The following KCNK2 variants were observed in gnomAD, a reference collection of about 807,000 sequenced individuals.
The protein encoded by KCNK2 is potassium channel subfamily K member 2.
A neutral mutation model predicts 40.5 loss-of-function variants in KCNK2; 21 were observed. The observed-to-expected ratio is 0.52, with a 90% confidence interval of 0.37 to 0.75. The LOEUF (loss-of-function observed/expected upper bound fraction) is 0.75, where lower values mean the gene tolerates loss of function less well. Among genes scored for constraint, KCNK2 ranks in the 30% least tolerant of loss-of-function variants. The pLI, the probability that KCNK2 is intolerant of heterozygous loss-of-function variation, is 0.00. For synonymous variants in KCNK2, 191 were observed against 202.2 expected (o/e 0.94, Z 0.47); for missense variants, 399 against 531.6 (o/e 0.75, Z 2.45).
intron 1 of KCNK2, among the ~76,000 whole-genome samples, chr1:215,085,821 G>A (rs1483463591): frequency 6.6e-6 from 1 of 152,164 alleles, no homozygotes; most frequent in Non-Finnish European, 1.5e-5. Context: ...AATGATGAAT[G>A]ATTTATTTTG....
chr1:215,216,024 C>T (rs556249400), intron 6 of KCNK2, among the ~76,000 whole-genome samples: 8 of 152,302 alleles, frequency 5.3e-5, no homozygotes, highest in East Asian at 1.9e-4. Context: ...GCATGTCCTG[C>T]ACAGTGAGCA....
intron 5 of KCNK2, among the ~76,000 whole-genome samples, chr1:215,192,043 G>GTAAAAGTCAAGAAGTTTTT (rs1215464198): frequency 2.0e-5 from 3 of 152,190 alleles, no homozygotes; most frequent in Non-Finnish European, 2.9e-5. Flanking sequence ...ATTAATGCTT[G>GTAAAAGTCAAGAAGTTTTT]TAAAAGTCAA....
intron 2 of KCNK2, among the ~76,000 whole-genome samples, chr1:215,121,521 T>C (rs1661189436): frequency 6.6e-6 from 1 of 152,164 alleles, no homozygotes; most frequent in Non-Finnish European, 1.5e-5. Flanking sequence ...GTAATTCACC[T>C]GCCTCAGTCT....
intron 6 of KCNK2, among the ~76,000 whole-genome samples, chr1:215,225,621 A>G (rs1348998955): frequency 1.3e-5 from 2 of 152,208 alleles, no homozygotes; most frequent in African/African-American, 4.8e-5. Flanking sequence ...GTCAATGGTC[A>G]CAGATTTCTC....
intron 2 of KCNK2, among the ~76,000 whole-genome samples, chr1:215,105,748 C>G (rs997004439): frequency 6.6e-5 from 10 of 152,036 alleles, no homozygotes; most frequent in African/African-American, 1.9e-4. Context: ...TCCCTTCCTT[C>G]TTCCCTGCTC....
intron 1 of KCNK2, among the ~76,000 whole-genome samples, chr1:215,028,457 T>G (rs944130893): frequency 2.0e-5 from 3 of 151,994 alleles, no homozygotes; most frequent in African/African-American, 7.2e-5. Flanking sequence ...TGTCTCAATT[T>G]TATTATTATA....
intron 6 of KCNK2, among the ~76,000 whole-genome samples, chr1:215,222,267 C>A (rs910237850): frequency 9.6e-6 from 1 of 104,162 alleles, no homozygotes; most frequent in Admixed American, 9.3e-5. Context: ...ACAATGCAAT[C>A]GTGTAATTTG....
At chr1:215,202,274 T>A (rs988821173) in intron 6 of KCNK2, among the ~76,000 whole-genome samples, 3 of 152,152 alleles carry the variant, frequency 2.0e-5, no homozygotes, top group Non-Finnish European at 4.4e-5. Flanking sequence ...CACTATGTGA[T>A]GGGGAAAAGG....
chr1:215,160,418 T>C (rs1313205755), intron 3 of KCNK2, among the ~76,000 whole-genome samples: 1 of 152,162 alleles, frequency 6.6e-6, no homozygotes, highest in African/African-American at 2.4e-5. Context: ...GAGTTAAAGA[T>C]ATTTTGAAAA....
At chr1:215,033,620 G>A (rs2841585) in intron 1 of KCNK2, among the ~76,000 whole-genome samples, 129,378 of 152,078 alleles carry the variant, frequency 0.85, 55,329 homozygotes, top group East Asian at 0.99. Context: ...GCTTCTCAGT[G>A]CCTCAGTAAC....
chr1:215,116,668 C>G (rs1251045562), intron 2 of KCNK2, among the ~76,000 whole-genome samples: 1 of 152,086 alleles, frequency 6.6e-6, no homozygotes, highest in Admixed American at 6.6e-5. Context: ...AAGATATTTA[C>G]TTTTAGACGT....
chr1:215,182,152 C>T (rs1664242239), intron 5 of KCNK2, among the ~76,000 whole-genome samples: 1 of 152,128 alleles, frequency 6.6e-6, no homozygotes, highest in Non-Finnish European at 1.5e-5. Context: ...GGTGGGATGA[C>T]TCAGGCTGCT....
intron 1 of KCNK2, among the ~76,000 whole-genome samples, chr1:215,041,333 A>G (rs568468864): frequency 2.0e-4 from 31 of 152,326 alleles, no homozygotes; most frequent in African/African-American, 7.0e-4. Context: ...TAGTACACGT[A>G]AAGTTCATAA....
At chr1:215,111,445 A>G in intron 2 of KCNK2, among the ~76,000 whole-genome samples, 1 of 151,840 alleles carries the variant, frequency 6.6e-6, no homozygotes. Context: ...CTTTTAAATT[A>G]TTTTTTTCCT....
At chr1:215,197,179 G>C (rs1664899629) in intron 6 of KCNK2, among the ~76,000 whole-genome samples, 1 of 152,164 alleles carries the variant, frequency 6.6e-6, no homozygotes, top group African/African-American at 2.4e-5. Context: ...TTTAAAACTT[G>C]TATTACTAAA....
intron 5 of KCNK2, among the ~76,000 whole-genome samples, chr1:215,191,129 A>G (rs532120068): frequency 4.7e-4 from 72 of 151,982 alleles, no homozygotes; most frequent in Middle Eastern, 3.4e-3. Context: ...TACTAAAAAT[A>G]CAAAAATTCG....
intron 1 of KCNK2, among the ~76,000 whole-genome samples, chr1:215,032,414 A>G (rs919811758): frequency 2.6e-5 from 4 of 152,108 alleles, no homozygotes; most frequent in Non-Finnish European, 4.4e-5. Flanking sequence ...TCTCAAAACA[A>G]AAACAAAAAC....
intron 2 of KCNK2, among the ~76,000 whole-genome samples, chr1:215,108,316 T>C (rs763304536): frequency 1.3e-5 from 2 of 152,154 alleles, no homozygotes; most frequent in Non-Finnish European, 2.9e-5. Context: ...GTAGGTTATA[T>C]GCAAATACCA....
chr1:215,091,072 T>C (rs575132674), intron 2 of KCNK2, among the ~76,000 whole-genome samples: 71 of 152,202 alleles, frequency 4.7e-4, no homozygotes, highest in Non-Finnish European at 9.4e-4. Flanking sequence ...AGCATTACCG[T>C]AGAAATACTT....
Sources: allele counts gnomAD v4.1 joint callset (sites outside exome capture counted in the v4.1 genomes callset), GRCh38; gene constraint gnomAD v4.1.1; transcripts MANE v1.5; gene names NCBI Gene and HGNC (gene_info 2026-07-23, HGNC 2026-07-21).